Variants in SLC19A2 observed in about 807,000 individuals in gnomAD.
The protein encoded by SLC19A2 is thiamine transporter 1.
In SLC19A2, 27 loss-of-function variants were observed where a neutral mutation model predicts 44.7. That is an observed-to-expected ratio of 0.60 (90% CI 0.45 to 0.83). The LOEUF (loss-of-function observed/expected upper bound fraction) is 0.83, where lower values mean the gene tolerates loss of function less well. SLC19A2 is among the 40% of genes least tolerant of loss of function. The pLI is 0.00. For synonymous variants in SLC19A2, 239 were observed against 243.6 expected (o/e 0.98, Z 0.18); for missense variants, 566 against 613.7 (o/e 0.92, Z 0.82).
intron 2 of SLC19A2, among the ~76,000 whole-genome samples, chr1:169,473,059 G>C (rs964650531): frequency 1.6e-4 from 24 of 152,050 alleles, no homozygotes; most frequent in Admixed American, 1.3e-3. Context: ...AATCAGAAAG[G>C]CTCAATTTTT....
intron 2 of SLC19A2, among the ~76,000 whole-genome samples, chr1:169,476,725 T>C (rs1210800981): frequency 6.6e-6 from 1 of 151,414 alleles, no homozygotes; most frequent in Non-Finnish European, 1.5e-5. Flanking sequence ...GTCTCAAAAA[T>C]AATAATAATA....
At chr1:169,485,327 AGGCACGG>A (rs1003033972) in intron 1 of SLC19A2, among the ~76,000 whole-genome samples, 2 of 152,224 alleles carry the variant, frequency 1.3e-5, no homozygotes, top group Admixed American at 6.5e-5. Flanking sequence ...CTGACGCACA[AGGCACGG>A]GGCCTCTGGA....
rs76671753 is a variant in SLC19A2 at position 169,471,704 on chromosome 1, A to G, written c.808-1518T>C. Among the ~76,000 whole-genome samples, 13 of 76,056 alleles carry G rather than the reference A, an allele frequency of 1.7e-4. 1 individual carries two copies. The highest frequency in any genetic ancestry group is 2.8e-4 in the Admixed American group (2 of 7,144). The allele number at this position is 76,056 out of a possible 152,430, so 49.9% of individuals were successfully genotyped here. ...TGTGTGTGTGTGTGTGTGTGTATAT[A>G]TACACACACACCATATATATCATTT... is the stretch of plus-strand genomic sequence containing the variant. On this transcript the variant is annotated intron_variant, in intron 2 of 5. Coordinates refer to ENST00000236137, the MANE Select transcript of SLC19A2 (RefSeq NM_006996.3).
At chr1:169,482,374 T>C (rs1658461921) in intron 1 of SLC19A2, among the ~76,000 whole-genome samples, 1 of 152,096 alleles carries the variant, frequency 6.6e-6, no homozygotes, top group Non-Finnish European at 1.5e-5. Flanking sequence ...ACCCCGACTC[T>C]ACTAAAAATA....
Position 169,477,682 on chromosome 1 carries a change from A to G in SLC19A2, c.280T>C (p.Tyr94His). The change falls in exon 2 of 6, where the codon TAC becomes CAC. Residue 94 changes from tyrosine to histidine, a missense_variant. By Grantham distance (83) the Tyr-to-His change is moderately conservative. Transcript: ENST00000236137. The stretch of plus-strand genomic sequence containing the variant: ...AGAACAACAGGTTTATAACGGAGGT[A>G]GTCTGTGGCAAGGAACACAGGAAAC... ...LLFPVFLATD[Y>H]LRYKPVVLLQ... is the part of the protein sequence containing the mutation. 3.1e-6 allele frequency: 5 copies of G among 1,614,002 alleles called. No homozygotes were observed. In the Middle Eastern group the frequency reaches 6.6e-4, roughly 213 times the overall value.
chr1:169,472,941 C>CTAA (rs1658222980), intron 2 of SLC19A2, among the ~76,000 whole-genome samples: 1 of 152,198 alleles, frequency 6.6e-6, no homozygotes, highest in East Asian at 1.9e-4. Context: ...CATGCATGCT[C>CTAA]TAATTTAATA....
At chr1:169,467,803 G>A (rs1658071190) in intron 5 of SLC19A2, among the ~76,000 whole-genome samples, 1 of 152,156 alleles carries the variant, frequency 6.6e-6, no homozygotes, top group South Asian at 2.1e-4. Flanking sequence ...TAAGTATAGA[G>A]GGAAATAATG....
At chr1:169,471,698 G>GTGTGTGTGTGTGTGTGTGTGTGTGTGTA (rs1553212202) in intron 2 of SLC19A2, among the ~76,000 whole-genome samples, 2 of 146,882 alleles carry the variant, frequency 1.4e-5, no homozygotes, top group Non-Finnish European at 3.0e-5. Flanking sequence ...GTGTGTGTGT[G>GTGTGTGTGTGTGTGTGTGTGTGTGTGTA]TATATATACA....
intron 2 of SLC19A2, among the ~76,000 whole-genome samples, chr1:169,476,545 C>T (rs1387533753): frequency 6.6e-6 from 1 of 152,116 alleles, no homozygotes; most frequent in South Asian, 2.1e-4. Flanking sequence ...ATGATGAAAC[C>T]CCGTCTCTAC....
At chr1:169,473,249 ATTTT>A (rs1264674783) in intron 2 of SLC19A2, among the ~76,000 whole-genome samples, 2 of 151,536 alleles carry the variant, frequency 1.3e-5, no homozygotes, top group Admixed American at 6.6e-5. Context: ...TTATTTATTT[ATTTT>A]TTTGAGACAG....
intron 1 of SLC19A2, among the ~76,000 whole-genome samples, chr1:169,479,144 A>G (rs1658391582): frequency 6.6e-6 from 1 of 152,214 alleles, no homozygotes; most frequent in Non-Finnish European, 1.5e-5. Flanking sequence ...ACTTCTAGAC[A>G]CAAGATAGGG....
At position 169,477,504 on chromosome 1, in the gene SLC19A2, ATGCC is replaced by A; in HGVS notation, c.454_457del (p.Gly152CysfsTer23). On this transcript the variant is annotated frameshift_variant, in exon 2 of 6. Transcript: ENST00000236137. LOFTEE classifies it high-confidence loss of function. The stretch of plus-strand genomic sequence containing the variant: ...ACAGTAACTTGTGACTTTCTGGTAC[ATGCC>A]CAGGTCCACCACACTGTAGATATAA... The A allele has an allele frequency of 6.2e-7, 1 of 1,614,226 alleles. No individual in the cohort carries two copies. The highest frequency in any genetic ancestry group is 1.1e-5 in the South Asian group (1 of 91,086).
chr1:169,466,781 G>C (rs1658004133), intron 5 of SLC19A2, among the ~76,000 whole-genome samples: 1 of 151,984 alleles, frequency 6.6e-6, no homozygotes, highest in Non-Finnish European at 1.5e-5. Context: ...AGAACATGCA[G>C]TGTTTGGTTT....
At position 169,485,653 on chromosome 1, in the gene SLC19A2, G is replaced by T; in HGVS notation, c.114C>A (p.Cys38Ter). The T allele has an allele frequency of 6.4e-7, 1 of 1,555,672 alleles. No individual in the cohort carries two copies. The highest frequency in any genetic ancestry group is 8.7e-7 in the Non-Finnish European group (1 of 1,149,950). Residue 38 changes from cysteine (C) to a stop codon, truncating the protein, a stop_gained, in exon 1 of 6, where the codon TGC becomes TGA. Coordinates refer to ENST00000236137, the MANE Select transcript of SLC19A2 (RefSeq NM_006996.3). LOFTEE classifies it high-confidence loss of function. ...TGAGGCTGGCGAAGAAGCCGTAGGC[G>T]CAGAGCAGCGCGGTCGGCAAGAACC... ...ECWFLPTALLCAYGFFASLRP... is the reference protein window; with the variant it reads ...ECWFLPTALL
At chr1:169,472,090 C>T (rs77832082) in intron 2 of SLC19A2, among the ~76,000 whole-genome samples, 1,745 of 152,262 alleles carry the variant, frequency 0.011, 39 homozygotes, top group African/African-American at 0.04. Context: ...CAACATACTG[C>T]TGTTACAAGA....
Position 169,485,662 on chromosome 1 carries a change from C to A in SLC19A2, c.105G>T (p.Ala35=). ...CGAAGAAGCCGTAGGCGCAGAGCAG[C>A]GCGGTCGGCAAGAACCAGCATTCGC... The part of the protein sequence containing the change: ...VRRECWFLPT[A]LLCAYGFFAS... The change falls in exon 1 of 6, where the codon GCG becomes GCT. Residue 35 remains alanine, a synonymous_variant. Transcript: ENST00000236137. The A allele has an allele frequency of 6.4e-7, 1 of 1,553,556 alleles. No individual in the cohort carries two copies. The highest frequency in any genetic ancestry group is 2.4e-5 in the East Asian group (1 of 41,108).
chr1:169,474,033 G>A (rs1658254933), intron 2 of SLC19A2: 1 of 152,132 alleles, frequency 6.6e-6, no homozygotes, highest in African/African-American at 2.4e-5. Flanking sequence ...ATTAGAACTA[G>A]GGTTTGGACT....
At chr1:169,484,070 G>A (rs961312751) in intron 1 of SLC19A2, among the ~76,000 whole-genome samples, 2 of 152,064 alleles carry the variant, frequency 1.3e-5, no homozygotes, top group African/African-American at 2.4e-5. Flanking sequence ...ACTGAGAAAC[G>A]GCCCAGCCAC....
In SLC19A2 at chr1:169,477,447, C is replaced by T. The variant is rs28937595; in HGVS notation, c.515G>A (p.Gly172Asp). The T allele has an allele frequency of 7.4e-6, 12 of 1,614,020 alleles. No individual in the cohort carries two copies. The highest frequency in any genetic ancestry group is 4.0e-5 in the African/African-American group (3 of 74,906). Residue 172 changes from glycine to aspartate, a missense_variant, in exon 2 of 6, where the codon GGC (glycine) becomes GAC (aspartate). Gly to Asp is a moderately conservative substitution (Grantham distance 94). Transcript: ENST00000236137. Reference protein sequence around the residue: ...RSATLVGFTVGSVLGQILVSV... With the variant: ...RSATLVGFTVDSVLGQILVSV... ...GACAAGGATTTGCCCTAGGACAGAG[C>T]CCACTGTAAAGCCCACCAAAGTGGC...
Sources: allele counts gnomAD v4.1 joint callset (sites outside exome capture counted in the v4.1 genomes callset), GRCh38; gene constraint gnomAD v4.1.1; transcripts MANE v1.5; gene names NCBI Gene and HGNC (gene_info 2026-07-23, HGNC 2026-07-21).